Variants in PPP6R3 observed in about 807,000 individuals in gnomAD.
The protein encoded by PPP6R3 is protein phosphatase 6 regulatory subunit 3.
PPP6R3 carries 38 observed loss-of-function variants against 110.7 expected under a neutral mutation model. That is an observed-to-expected ratio of 0.34 (90% CI 0.26 to 0.45). The LOEUF (loss-of-function observed/expected upper bound fraction) is 0.45, where lower values mean the gene tolerates loss of function less well. Ranked by LOEUF, PPP6R3 falls within the 20% of genes least tolerant of loss-of-function variation. PPP6R3 has a pLI of 1.00. For synonymous variants in PPP6R3, 369 were observed against 373.5 expected, an observed-to-expected ratio of 0.99 and a Z score of 0.14; for missense variants, 870 against 1,062.4, an observed-to-expected ratio of 0.82 and a Z score of 2.52.
At chr11:68,511,805 G>GTGTT (rs1555083581) in intron 1 of PPP6R3, among the ~76,000 whole-genome samples, 16 of 151,920 alleles carry the variant, frequency 1.1e-4, no homozygotes, top group Non-Finnish European at 1.6e-4. Context: ...GTGTGTGTGT[G>GTGTT]TTTTTTAAAT....
chr11:68,594,352 G>A (rs528980625), intron 18 of PPP6R3, among the ~76,000 whole-genome samples: 1 of 148,596 alleles, frequency 6.7e-6, no homozygotes, highest in Non-Finnish European at 1.5e-5. Context: ...GAGAGTGAGA[G>A]AGAGAGAGAG....
At chr11:68,589,181 C>T (rs1320808048) in intron 16 of PPP6R3, among the ~76,000 whole-genome samples, 1 of 151,926 alleles carries the variant, frequency 6.6e-6, no homozygotes, top group East Asian at 1.9e-4. Context: ...TGCACTCCAC[C>T]CTGGGCAACA....
At chr11:68,505,635 A>T (rs1216678677) in intron 1 of PPP6R3, among the ~76,000 whole-genome samples, 1 of 152,176 alleles carries the variant, frequency 6.6e-6, no homozygotes, top group East Asian at 1.9e-4. Context: ...AAACCTGATT[A>T]CTTTTCACCA....
At chr11:68,471,264 CAG>C (rs1367579251) in intron 1 of PPP6R3, among the ~76,000 whole-genome samples, 1 of 132,266 alleles carries the variant, frequency 7.6e-6, no homozygotes, top group African/African-American at 2.9e-5. Context: ...GCCTGGGTGA[CAG>C]AGCGAGATTC....
At chr11:68,489,552 T>G (rs663997) in intron 1 of PPP6R3, among the ~76,000 whole-genome samples, 79,322 of 144,824 alleles carry the variant, frequency 0.55, 23,250 homozygotes, top group South Asian at 0.68. Flanking sequence ...TACTGTGTGT[T>G]TGTGTGTGTG....
At chr11:68,514,926 G>A (rs1413047481) in intron 1 of PPP6R3, 1 of 152,124 alleles carries the variant, frequency 6.6e-6, no homozygotes, top group African/African-American at 2.4e-5. Context: ...TCTTCTGAAA[G>A]TTTTTTTAAA....
intron 2 of PPP6R3, 30 bp downstream of exon 2, chr11:68,519,681 C>CT: frequency 2.5e-6 from 1 of 398,362 alleles, no homozygotes. Context: ...CAGGAGTTTC[C>CT]TTCCATTAAT....
intron 1 of PPP6R3, among the ~76,000 whole-genome samples, chr11:68,509,970 C>T (rs184337485): frequency 6.7e-6 from 1 of 149,308 alleles, no homozygotes; most frequent in Non-Finnish European, 1.5e-5. Flanking sequence ...CCAGGCTGGT[C>T]TCAAACTATT....
chr11:68,461,022 C>A (rs369345742), intron 1 of PPP6R3, among the ~76,000 whole-genome samples, 195 bp downstream of exon 1: 1 of 151,766 alleles, frequency 6.6e-6, no homozygotes, highest in South Asian at 2.1e-4. Flanking sequence ...GGCCGCTCCC[C>A]GTCCGCTCCT....
chr11:68,609,724 G>T, intron 22 of PPP6R3, 180 bp from the exon 23 acceptor site: 1 of 1,563,902 alleles, frequency 6.4e-7, no homozygotes, highest in Non-Finnish European at 8.8e-7. Flanking sequence ...CTTTCCTTTT[G>T]TGATTCCCCA....
At chr11:68,578,712 T>G (rs1209817492) in intron 14 of PPP6R3, among the ~76,000 whole-genome samples, 1 of 152,222 alleles carries the variant, frequency 6.6e-6, no homozygotes, top group Admixed American at 6.5e-5. Flanking sequence ...AGCCCCAGGC[T>G]CCTATCACTT....
At chr11:68,591,257 C>T (rs1285759745) in intron 17 of PPP6R3, among the ~76,000 whole-genome samples, 1 of 152,100 alleles carries the variant, frequency 6.6e-6, no homozygotes, top group Non-Finnish European at 1.5e-5. Context: ...GTTGCTTTTC[C>T]TTGCTAGGAC....
At chr11:68,552,145 A>T (rs917790375) in intron 6 of PPP6R3, among the ~76,000 whole-genome samples, 1 of 152,024 alleles carries the variant, frequency 6.6e-6, no homozygotes, top group East Asian at 1.9e-4. Context: ...GGCAGTAGTC[A>T]TCCATTTTTA....
At position 68,614,176 on chromosome 11, in the gene PPP6R3, T is replaced by C; in HGVS notation, c.*1059T>C. On this transcript the variant is annotated 3_prime_UTR_variant, in exon 24 of 24. Coordinates refer to ENST00000393800, the MANE Select transcript of PPP6R3 (RefSeq NM_001164161.2). ...ATCTGGCACCGAAGCATGCTAATTGTTTACTGTACCTTGTGAGGTTTTCAC... is the reference window on the plus strand; with the variant it reads ...ATCTGGCACCGAAGCATGCTAATTGCTTACTGTACCTTGTGAGGTTTTCAC... 1 of 986,508 alleles carries C rather than the reference T, an allele frequency of 1.0e-6. No homozygotes were observed. The highest frequency in any genetic ancestry group is 1.2e-6 in the Non-Finnish European group (1 of 830,408). 61.1% of individuals were successfully genotyped at this position (986,508 alleles called of 1,614,324 possible).
intron 1 of PPP6R3, among the ~76,000 whole-genome samples, chr11:68,492,529 A>G (rs1306136156): frequency 3.3e-5 from 5 of 152,240 alleles, no homozygotes; most frequent in Admixed American, 6.5e-5. Flanking sequence ...AATGGACACT[A>G]CAGTGCCTCT....
At chr11:68,476,326 G>T (rs953496737) in intron 1 of PPP6R3, among the ~76,000 whole-genome samples, 2 of 152,168 alleles carry the variant, frequency 1.3e-5, no homozygotes, top group African/African-American at 2.4e-5. Flanking sequence ...AGTCAGGCGT[G>T]GCGGCGCACG....
chr11:68,602,542 A>G (rs2153944109), intron 21 of PPP6R3, among the ~76,000 whole-genome samples: 1 of 152,244 alleles, frequency 6.6e-6, no homozygotes, highest in African/African-American at 2.4e-5. Context: ...ATGGGAACCA[A>G]AAGGATGTGG....
chr11:68,552,415 C>T (rs972997471), intron 6 of PPP6R3, among the ~76,000 whole-genome samples: 19 of 152,226 alleles, frequency 1.2e-4, no homozygotes, highest in Non-Finnish European at 2.5e-4. Context: ...ACTTTTCATA[C>T]CTGGACTTTA....
chr11:68,487,586 A>AT lies in PPP6R3; in HGVS notation c.-158+26768dup, dbSNP rs922216697. Among the ~76,000 whole-genome samples, 42 of 150,678 alleles carry AT rather than the reference A, an allele frequency of 2.8e-4. No homozygotes were observed. The South Asian group carries it at 5.3e-3, about 19-fold the overall frequency. ...CTGCCTCAAAAAAAAAAAAAATTGT[A>AT]TTTTTTTTTATTTAGTTAAAAATAC... On this transcript the variant is annotated intron_variant, in intron 1 of 23. Transcript: ENST00000393800.
Sources: gnomAD v4.1 joint callset for allele counts (sites outside exome capture counted in the v4.1 genomes callset) on GRCh38, gnomAD v4.1.1 for gene constraint, MANE v1.5 for transcripts, NCBI Gene and HGNC (gene_info 2026-07-23, HGNC 2026-07-21) for gene names.